The following DTYMK variants were observed in gnomAD, a reference collection of about 807,000 sequenced individuals.
DTYMK encodes thymidylate kinase.
In DTYMK, 20 loss-of-function variants were observed where a neutral mutation model predicts 20.3. That is an observed-to-expected ratio of 0.99 (90% confidence interval 0.69 to 1.43). The LOEUF (loss-of-function observed/expected upper bound fraction) is 1.43, where lower values mean the gene tolerates loss of function less well. DTYMK is among the 40% of genes most tolerant of loss of function. The pLI, the probability that DTYMK is intolerant of heterozygous loss-of-function variation, is 0.00. For missense variants in DTYMK, 320 were observed against 291.1 expected (o/e 1.10, Z -0.72); for synonymous variants, 148 against 124.4 (o/e 1.19, Z -1.27).
intron 2 of DTYMK, chr2:241,682,088 C>A: frequency 2.9e-6 from 1 of 350,764 alleles, no homozygotes; most frequent in Non-Finnish European, 5.6e-6. Flanking sequence ...CCTCTAATCA[C>A]AGCACTTTGG....
At position 241,680,283 on chromosome 2, in the gene DTYMK, G is replaced by A. The variant is rs1277370256; in HGVS notation, c.276C>T (p.Thr92=). ...LIKEKLSQGV[T]LVVDRYAFSG... The stretch of plus-strand genomic sequence containing the variant: ...AAAATGCGTATCTGTCCACGACGAG[G>A]GTCACGCCCTGGCTCAACTTTTCCT... Residue 92 remains threonine (T), a synonymous_variant, in exon 3 of 5, where the codon ACC becomes ACT. Transcript: ENST00000305784. 3.7e-6 allele frequency: 6 copies of A among 1,614,062 alleles called. No individual in the cohort carries two copies. Among genetic ancestry groups the A allele is most frequent in the Middle Eastern group, 3.3e-4 (2 of 6,084 alleles).
At chr2:241,683,232 G>C (rs2069306995) in intron 2 of DTYMK, among the ~76,000 whole-genome samples, 2 of 152,228 alleles carry the variant, frequency 1.3e-5, no homozygotes, top group Non-Finnish European at 2.9e-5. Flanking sequence ...ACACCTATCA[G>C]AATGGCAAAC....
In DTYMK at chr2:241,685,860, C is replaced by T. The variant is rs773823928; in HGVS notation, c.148G>A (p.Gly50Ser). ...TGCAAGTAGGAACTCAGAAGTTTGC[C>T]GATTTCAGTTGATCTTTCTAGAAAA... ...LRFPERSTEI[G>S]KLLSSYLQKK... is the part of the protein sequence containing the mutation. Residue 50 changes from glycine to serine, a missense_variant, in exon 2 of 5, where the codon GGC (glycine) becomes AGC (serine). Transcript: ENST00000305784. The T allele has an allele frequency of 1.2e-6, 2 of 1,613,990 alleles. No homozygotes were observed. Among genetic ancestry groups the T allele is most frequent in the Non-Finnish European group, 1.7e-6 (2 of 1,179,942 alleles).
chr2:241,682,354 A>G (rs936552832), intron 2 of DTYMK: 1 of 380,742 alleles, frequency 2.6e-6, no homozygotes, highest in Admixed American at 3.5e-5. Context: ...AAAAGAGAGA[A>G]AGAGAGTGAG....
At chr2:241,681,628 A>G (rs1420787148) in intron 2 of DTYMK, among the ~76,000 whole-genome samples, 1 of 152,266 alleles carries the variant, frequency 6.6e-6, no homozygotes, top group East Asian at 1.9e-4. Context: ...AACTTAGATC[A>G]CCTGGGGTTT....
rs141913184 is a variant in DTYMK at position 241,682,186 on chromosome 2, T to C, written c.240-1867A>G. 823 of 448,482 alleles carry C rather than the reference T, an allele frequency of 1.8e-3. 5 individuals are homozygous for C. The East Asian group carries it at 0.022, about 12-fold the overall frequency. 27.8% of individuals were successfully genotyped at this position (448,482 alleles called of 1,614,324 possible). On this transcript the variant is annotated intron_variant, in intron 2 of 4. Transcript: ENST00000305784. ...GAGACTCCATCGCTACAAAAAATTT[T>C]ACAAAAATTAGCCAGGTGTGTTAAC...
chr2:241,683,727 A>T (rs550252855), intron 2 of DTYMK, among the ~76,000 whole-genome samples: 18 of 152,338 alleles, frequency 1.2e-4, no homozygotes, highest in African/African-American at 4.3e-4. Flanking sequence ...GAACTATGGT[A>T]CATCCAAACA....
Position 241,686,757 on chromosome 2 carries a change from T to C in DTYMK, c.27A>G (p.Ile9Met), listed in dbSNP as rs1575110939. 6.7e-7 allele frequency: 1 copy of C among 1,491,936 alleles called. No homozygotes were observed. The highest frequency in any genetic ancestry group is 8.8e-7 in the Non-Finnish European group (1 of 1,135,322). The allele number at this position is 1,491,936 out of a possible 1,614,324, so 92.4% of individuals were successfully genotyped here. The change falls in exon 1 of 5, where the codon ATA (isoleucine) becomes ATG (methionine). Residue 9 changes from isoleucine (I) to methionine (M), a missense_variant. By Grantham distance (10) the Ile-to-Met change is conservative. Coordinates refer to ENST00000305784, the MANE Select transcript of DTYMK (RefSeq NM_012145.4). ...CGGCGCGGTCCACGCCCTCCAGCAC[T>C]ATGAGAGCCCCGCGCCGGGCCGCCA... MAARRGAL[I>M]VLEGVDRAGK...
At chr2:241,680,198 C>G in intron 3 of DTYMK, 31 bp downstream of exon 3, 2 of 1,611,294 alleles carry the variant, frequency 1.2e-6, no homozygotes, top group Non-Finnish European at 1.7e-6. Context: ...CACATCTGTG[C>G]TCGCCTGACA....
At chr2:241,680,102 T>C in intron 3 of DTYMK, 127 bp downstream of exon 3, 1 of 809,578 alleles carries the variant, frequency 1.2e-6, no homozygotes, top group Non-Finnish European at 2.0e-6. Flanking sequence ...AGCAAAGAGA[T>C]AAAAGGAATA....
At position 241,685,752 on chromosome 2, in the gene DTYMK, T is replaced by C. The variant is rs561956735; in HGVS notation, c.239+17A>G. ...AAAGTGGCAAGGGCAGAGGGAGCAG[T>C]GTGCAATGGTTTTTACACTTGTTCC... On this transcript the variant is annotated intron_variant, in intron 2 of 4. Coordinates refer to ENST00000305784, the MANE Select transcript of DTYMK (RefSeq NM_012145.4). The C allele has an allele frequency of 6.2e-6, 10 of 1,609,966 alleles. No individual in the cohort carries two copies. In the East Asian group the frequency reaches 8.9e-5, roughly 14 times the overall value.
chr2:241,677,372 G>A (rs529013377), intron 4 of DTYMK, among the ~76,000 whole-genome samples: 3 of 152,210 alleles, frequency 2.0e-5, no homozygotes, highest in South Asian at 4.1e-4. Context: ...AGAGAATGCC[G>A]CACTGCCAGA....
chr2:241,682,211 C>T (rs968779928), intron 2 of DTYMK: 2 of 452,718 alleles, frequency 4.4e-6, no homozygotes, highest in East Asian at 7.0e-5. Context: ...GGTGTGTTAA[C>T]GTGCCTATAG....
At chr2:241,678,430 T>C in intron 4 of DTYMK, 22 bp downstream of exon 4, 2 of 1,613,916 alleles carry the variant, frequency 1.2e-6, no homozygotes, top group Non-Finnish European at 1.7e-6. Context: ...CGCTTCCTAG[T>C]GTGCAATTCT....
At chr2:241,677,854 G>C (rs1468765288) in intron 4 of DTYMK, among the ~76,000 whole-genome samples, 1 of 152,258 alleles carries the variant, frequency 6.6e-6, no homozygotes, top group African/African-American at 2.4e-5. Context: ...AGAGGACACA[G>C]TGGCAGGAAC....
intron 1 of DTYMK, 48 bp from the exon 2 acceptor site, chr2:241,685,925 C>G: frequency 6.4e-7 from 1 of 1,573,416 alleles, no homozygotes; most frequent in Non-Finnish European, 8.7e-7. Flanking sequence ...TCAGGCTTTC[C>G]CTCTATATTA....
intron 2 of DTYMK, among the ~76,000 whole-genome samples, chr2:241,680,967 C>T (rs2069244878): frequency 6.6e-6 from 1 of 152,200 alleles, no homozygotes; most frequent in Non-Finnish European, 1.5e-5. Context: ...AAGAAGAAAG[C>T]ACAGGCAAAG....
At chr2:241,684,766 CA>C (rs770675924) in intron 2 of DTYMK, 4 of 452,984 alleles carry the variant, frequency 8.8e-6, no homozygotes, top group East Asian at 7.0e-5. Context: ...TGATGTAAAA[CA>C]AAAAAAGGTG....
intron 2 of DTYMK, among the ~76,000 whole-genome samples, chr2:241,683,223 C>T (rs2069306697): frequency 6.6e-6 from 1 of 152,224 alleles, no homozygotes; most frequent in African/African-American, 2.4e-5. Flanking sequence ...ATGCCACACA[C>T]ACCTATCAGA....
Sources: allele counts gnomAD v4.1 joint callset (sites outside exome capture counted in the v4.1 genomes callset), GRCh38; gene constraint gnomAD v4.1.1; transcripts MANE v1.5; gene names NCBI Gene and HGNC (gene_info 2026-07-23, HGNC 2026-07-21).